Variants in RGS5 observed in about 807,000 individuals in gnomAD.
RGS5 encodes regulator of G-protein signalling 5.
RGS5 carries 20 observed loss-of-function variants against 18.9 expected under a neutral mutation model. The ratio of observed to expected loss-of-function variants is 1.06; its 90% CI spans 0.74 to 1.54. The LOEUF (loss-of-function observed/expected upper bound fraction) is 1.54, where lower values mean the gene tolerates loss of function less well. Ranked by LOEUF, RGS5 falls within the 40% of genes most tolerant of loss-of-function variation. The probability of loss-of-function intolerance (pLI) is 0.00; values close to 1 mark genes in which losing one functional copy is unlikely to be tolerated. For missense variants in RGS5, 201 were observed against 211.8 expected, an observed-to-expected ratio of 0.95 and a Z score of 0.32; for synonymous variants, 57 against 76.2, an observed-to-expected ratio of 0.75 and a Z score of 1.31.
chr1:163,268,993 C>T (rs908515174), intron 2 of RGS5, among the ~76,000 whole-genome samples: 1 of 152,058 alleles, frequency 6.6e-6, no homozygotes, highest in South Asian at 2.1e-4. Context: ...GACTCCAGAT[C>T]GCTAGACCTC....
chr1:163,217,480 A>G (rs1427091002), intron 1 of RGS5: 5 of 1,483,500 alleles, frequency 3.4e-6, no homozygotes, highest in Non-Finnish European at 3.6e-6. Context: ...CCTGTAAATT[A>G]TAACATTAAA....
chr1:163,160,876 T>A (rs1657770783), intron 3 of RGS5, among the ~76,000 whole-genome samples: 3 of 152,194 alleles, frequency 2.0e-5, no homozygotes. Flanking sequence ...AAATATTTGT[T>A]TTCCCGATAC....
chr1:163,245,347 AT>A (rs35037655), intron 2 of RGS5, among the ~76,000 whole-genome samples: 22,243 of 152,162 alleles, frequency 0.15, 1,936 homozygotes, highest in Non-Finnish European at 0.19. Context: ...GCCCAGAATT[AT>A]CTTTTCCCCA....
intron 2 of RGS5, among the ~76,000 whole-genome samples, chr1:163,284,045 T>C (rs981876726): frequency 6.6e-6 from 1 of 152,228 alleles, no homozygotes; most frequent in African/African-American, 2.4e-5. Context: ...TGGTCACTTG[T>C]TATGTAGCAA....
intron 3 of RGS5, among the ~76,000 whole-genome samples, chr1:163,159,610 A>G (rs1317734191): frequency 2.0e-5 from 3 of 152,140 alleles, no homozygotes; most frequent in Non-Finnish European, 4.4e-5. Context: ...TAGTTGGGCT[A>G]CTTCGAATGG....
At chr1:163,190,261 C>CTGTGAGTGCCTCCCT (rs1659287653) in intron 1 of RGS5, among the ~76,000 whole-genome samples, 1 of 151,950 alleles carries the variant, frequency 6.6e-6, no homozygotes, top group East Asian at 1.9e-4. Context: ...AGTGCCTCCC[C>CTGTGAGTGCCTCCCT]GTGACAACTA....
chr1:163,186,505 G>A (rs1370502327), intron 1 of RGS5, among the ~76,000 whole-genome samples: 1 of 147,856 alleles, frequency 6.8e-6, no homozygotes, highest in Admixed American at 6.8e-5. Flanking sequence ...CGTGAACCTG[G>A]GAGGCAGAGC....
chr1:163,187,554 C>T (rs1252839609), intron 1 of RGS5, among the ~76,000 whole-genome samples: 3 of 152,066 alleles, frequency 2.0e-5, no homozygotes, highest in East Asian at 3.9e-4. Context: ...TGACAGGTCC[C>T]GCCTCATACG....
At chr1:163,281,844 G>T (rs565878209) in intron 2 of RGS5, among the ~76,000 whole-genome samples, 14 of 152,078 alleles carry the variant, frequency 9.2e-5, no homozygotes, top group Non-Finnish European at 1.3e-4. Flanking sequence ...AATAAATCAT[G>T]CTGGGAAAGC....
At chr1:163,318,376 G>T (rs2101655313) in intron 1 of RGS5, among the ~76,000 whole-genome samples, 1 of 152,246 alleles carries the variant, frequency 6.6e-6, no homozygotes, top group African/African-American at 2.4e-5. Context: ...TGGTCATTCT[G>T]GCTGCTACTT....
At chr1:163,266,319 A>G (rs766266890) in intron 2 of RGS5, among the ~76,000 whole-genome samples, 2 of 151,992 alleles carry the variant, frequency 1.3e-5, no homozygotes, top group Non-Finnish European at 2.9e-5. Flanking sequence ...TCATTCCACT[A>G]CTACCTACTT....
chr1:163,243,847 G>A (rs945419048), intron 2 of RGS5, among the ~76,000 whole-genome samples: 1 of 151,056 alleles, frequency 6.6e-6, no homozygotes, highest in Non-Finnish European at 1.5e-5. Context: ...CATTGGTTTG[G>A]CAAAGACTCA....
At chr1:163,305,205 A>G (rs1056314182) in intron 2 of RGS5, 23 of 151,702 alleles carry the variant, frequency 1.5e-4, no homozygotes, top group African/African-American at 5.5e-4. Context: ...CATCTTACAA[A>G]ACCATCCATA....
intron 2 of RGS5, among the ~76,000 whole-genome samples, chr1:163,298,819 C>T (rs1351400394): frequency 6.6e-6 from 1 of 152,094 alleles, no homozygotes; most frequent in Non-Finnish European, 1.5e-5. Flanking sequence ...CCCAAGTGCC[C>T]TCAGTTTGAA....
At chr1:163,175,168 G>C (rs547800393) in intron 1 of RGS5, among the ~76,000 whole-genome samples, 1 of 152,222 alleles carries the variant, frequency 6.6e-6, no homozygotes, top group East Asian at 1.9e-4. Context: ...CTCGCTAGCC[G>C]TCAATGTCCA....
At chr1:163,301,291 A>G (rs993413338) in intron 2 of RGS5, among the ~76,000 whole-genome samples, 3 of 152,112 alleles carry the variant, frequency 2.0e-5, no homozygotes, top group Admixed American at 6.5e-5. Context: ...GGAAAAAATC[A>G]GAATTCTAGA....
intron 2 of RGS5, among the ~76,000 whole-genome samples, chr1:163,292,305 T>C (rs536448297): frequency 2.7e-4 from 41 of 152,330 alleles, no homozygotes; most frequent in African/African-American, 9.6e-4. Flanking sequence ...TTACTAAGAA[T>C]AATGGCCTCC....
chr1:163,278,651 AC>A (rs1229455129), intron 2 of RGS5, among the ~76,000 whole-genome samples: 17 of 152,266 alleles, frequency 1.1e-4, no homozygotes, highest in Non-Finnish European at 2.9e-5. Flanking sequence ...AATATATCAA[AC>A]AATTAGAAAC....
intron 1 of RGS5, chr1:163,308,744 A>G (rs1429061836): frequency 6.6e-6 from 1 of 152,156 alleles, no homozygotes; most frequent in East Asian, 1.9e-4. Context: ...ACCAATATAA[A>G]ATAGTACATA....
Sources: gnomAD v4.1 joint callset for allele counts (sites outside exome capture counted in the v4.1 genomes callset) on GRCh38, gnomAD v4.1.1 for gene constraint, MANE v1.5 for transcripts, NCBI Gene and HGNC (gene_info 2026-07-23, HGNC 2026-07-21) for gene names.